Variants in NEK6 observed in about 807,000 individuals in gnomAD.
NEK6 encodes the protein serine/threonine-protein kinase Nek6.
In NEK6, 27 loss-of-function variants were observed where a neutral mutation model predicts 43.5. The observed-to-expected ratio is 0.62, with a 90% CI of 0.46 to 0.86. The LOEUF (loss-of-function observed/expected upper bound fraction) is 0.86. Ranked by LOEUF, NEK6 falls within the 40% of genes least tolerant of loss-of-function variation. The pLI is 0.00. For missense variants in NEK6, 318 were observed against 414.4 expected (o/e 0.77, Z 2.02); for synonymous variants, 167 against 164.1 (o/e 1.02, Z -0.14).
intron 1 of NEK6, among the ~76,000 whole-genome samples, chr9:124,278,953 G>A (rs974965079): frequency 1.3e-5 from 2 of 152,310 alleles, no homozygotes; most frequent in South Asian, 2.1e-4. Context: ...GGGGCACTTT[G>A]CCTACACAGT....
At chr9:124,276,950 G>A (rs748816629) in intron 1 of NEK6, among the ~76,000 whole-genome samples, 2 of 152,220 alleles carry the variant, frequency 1.3e-5, no homozygotes, top group African/African-American at 2.4e-5. Flanking sequence ...AAGCTCAGGA[G>A]GGATGGCAAC....
At chr9:124,336,730 T>TG (rs956599116) in intron 7 of NEK6, among the ~76,000 whole-genome samples, 14 of 152,088 alleles carry the variant, frequency 9.2e-5, no homozygotes, top group Non-Finnish European at 1.8e-4. Flanking sequence ...CAGGCCAGGC[T>TG]GGGTGCAGTG....
In NEK6 at chr9:124,326,793, T is replaced by C. The variant is rs568340403; in HGVS notation, c.514+355T>C. ...GAGAAGGGGAGGCACCTGAGAGGGG[T>C]GTTTCCACAGTTGACATGATTCCGA... On this transcript the variant is annotated intron_variant, in intron 6 of 9. Transcript: ENST00000320246. This position sits in a 1 kb window ranked among gnomAD's most constrained non-coding sequence, Gnocchi z 4.5. 1.5e-3 allele frequency among the ~76,000 whole-genome samples: 231 copies of C among 152,026 alleles called. No individual in the cohort carries two copies. The highest frequency in any genetic ancestry group is 5.3e-3 in the African/African-American group (219 of 41,480).
intron 6 of NEK6, 70 bp from the exon 7 acceptor site, chr9:124,327,268 T>C: frequency 2.4e-6 from 3 of 1,260,558 alleles, no homozygotes; most frequent in Non-Finnish European, 3.5e-6. Flanking sequence ...TTCCTCCCCC[T>C]TCCTCTCGTC....
chr9:124,344,032 G>C (rs906315462), intron 8 of NEK6, among the ~76,000 whole-genome samples: 1 of 152,130 alleles, frequency 6.6e-6, no homozygotes, highest in South Asian at 2.1e-4. Flanking sequence ...TTCTGGGGGC[G>C]AATCTGTTTC....
rs771065858 is a variant in NEK6, at chr9:124,292,915, G to A, written c.-29-9021G>A. 3.3e-6 allele frequency: 5 copies of A among 1,518,946 alleles called. No homozygotes were observed. In the African/African-American group the frequency reaches 5.6e-5, roughly 17 times the overall value. The allele number at this position is 1,518,946 out of a possible 1,614,324, so 94.1% of individuals were successfully genotyped here. A position where few individuals can be genotyped will look rare whatever the true frequency, so the allele number is the denominator to read the frequency against. On this transcript the variant is annotated intron_variant, in intron 1 of 9. Coordinates refer to ENST00000320246, the MANE Select transcript of NEK6 (RefSeq NM_014397.6). ...GCTGTGGAGCTGGGAGTGACGGGGT[G>A]AGTCCAGGAAGGCTGCCTGGAGGAG...
intron 7 of NEK6, among the ~76,000 whole-genome samples, chr9:124,333,138 A>T (rs1422885642): frequency 1.3e-5 from 2 of 152,228 alleles, no homozygotes; most frequent in Non-Finnish European, 2.9e-5. Flanking sequence ...CTGGGGATGC[A>T]TCCTCCAGTG....
chr9:124,272,490 T>C (rs1294802661), intron 1 of NEK6, among the ~76,000 whole-genome samples: 1 of 152,242 alleles, frequency 6.6e-6, no homozygotes, highest in Non-Finnish European at 1.5e-5. Context: ...TCCTTCAATC[T>C]CTTTCTTCCA....
intron 7 of NEK6, among the ~76,000 whole-genome samples, chr9:124,331,124 G>GGC (rs1451585796): frequency 6.6e-6 from 1 of 151,908 alleles, no homozygotes; most frequent in Non-Finnish European, 1.5e-5. Context: ...AAATTAGCCA[G>GGC]GCCTGGTGGT....
rs1235696174 is a variant in NEK6, at chr9:124,324,419, G to A, written c.406-1911G>A. On this transcript the variant is annotated intron_variant, in intron 5 of 9. Transcript: ENST00000320246. This position sits in a 1 kb window ranked among gnomAD's most constrained non-coding sequence, Gnocchi z 5.3. ...CTGCGCCATCACAGCCATGGTGCCC[G>A]AGTTATTTACGAGGAAGAGTGAAGC... Among the ~76,000 whole-genome samples the A allele has an allele frequency of 4.6e-5, 7 of 152,230 alleles. No individual in the cohort carries two copies. Among genetic ancestry groups the A allele is most frequent in the East Asian group, 1.9e-4 (1 of 5,194 alleles).
chr9:124,294,690 G>A (rs1025192461), intron 1 of NEK6, among the ~76,000 whole-genome samples: 1 of 152,160 alleles, frequency 6.6e-6, no homozygotes, highest in African/African-American at 2.4e-5. Context: ...AGGCCTGGGG[G>A]ATGTTGGGGG....
intron 8 of NEK6, among the ~76,000 whole-genome samples, chr9:124,341,188 G>A (rs1485337417): frequency 1.3e-5 from 2 of 152,160 alleles, no homozygotes; most frequent in East Asian, 1.9e-4. Context: ...GACTACAGAC[G>A]CCCGCCACCC....
At chr9:124,335,682 C>G (rs1194065089) in intron 7 of NEK6, among the ~76,000 whole-genome samples, 1 of 152,254 alleles carries the variant, frequency 6.6e-6, no homozygotes, top group Admixed American at 6.5e-5. Flanking sequence ...ATGAGCCGTC[C>G]TGCGCAGGGT....
intron 1 of NEK6, among the ~76,000 whole-genome samples, chr9:124,277,372 G>A (rs1273000040): frequency 6.6e-6 from 1 of 152,208 alleles, no homozygotes; most frequent in African/African-American, 2.4e-5. Flanking sequence ...CTTGAACATG[G>A]GAGGCGGAGG....
chr9:124,286,686 G>A (rs532678592), intron 1 of NEK6, among the ~76,000 whole-genome samples: 2 of 152,320 alleles, frequency 1.3e-5, no homozygotes, highest in Admixed American at 1.3e-4. Context: ...GCTGAGGCCC[G>A]GGGGCCAGTT....
intron 2 of NEK6, among the ~76,000 whole-genome samples, chr9:124,310,051 A>G (rs1381038606): frequency 6.6e-6 from 1 of 152,200 alleles, no homozygotes; most frequent in Non-Finnish European, 1.5e-5. Context: ...CTGGCCGGTC[A>G]GGGGGTCTTG....
chr9:124,299,275 T>C (rs1832841749), intron 1 of NEK6, among the ~76,000 whole-genome samples: 1 of 152,212 alleles, frequency 6.6e-6, no homozygotes, highest in African/African-American at 2.4e-5. Flanking sequence ...AGTTCTCCAC[T>C]CTTTCCCTGG....
intron 1 of NEK6, among the ~76,000 whole-genome samples, chr9:124,293,176 T>C (rs1273676365): frequency 6.6e-6 from 1 of 152,232 alleles, no homozygotes; most frequent in Non-Finnish European, 1.5e-5. Context: ...TGGAGAGGGT[T>C]GGATCTGAGT....
At chr9:124,298,087 T>C (rs896194470) in intron 1 of NEK6, among the ~76,000 whole-genome samples, 7 of 152,348 alleles carry the variant, frequency 4.6e-5, no homozygotes, top group African/African-American at 1.7e-4. Flanking sequence ...ATCAGCCTAA[T>C]GGCATCGAGC....
Sources: gnomAD v4.1 joint callset for allele counts (sites outside exome capture counted in the v4.1 genomes callset) on GRCh38, gnomAD v4.1.1 for gene constraint, Gnocchi (gnomAD v3.1) non-coding constraint, MANE v1.5 for transcripts, NCBI Gene and HGNC (gene_info 2026-07-23, HGNC 2026-07-21) for gene names.